The following ASPH variants were observed in gnomAD, a reference collection of about 807,000 sequenced individuals.
The protein encoded by ASPH is aspartate beta-hydroxylase.
Under a neutral mutation model 118.4 loss-of-function variants are expected in ASPH, and 100 were observed. The ratio of observed to expected loss-of-function variants is 0.84; its 90% CI spans 0.72 to 1.00. ASPH has a LOEUF of 1.00. ASPH is among the 50% of genes least tolerant of loss of function. The pLI is 0.00. For missense variants in ASPH, 920 were observed against 919.5 expected, an observed-to-expected ratio of 1.00 and a Z score of -0.01; for synonymous variants, 315 against 325.6, an observed-to-expected ratio of 0.97 and a Z score of 0.35.
intron 17 of ASPH, among the ~76,000 whole-genome samples, chr8:61,563,432 C>T (rs1830633259): frequency 6.6e-6 from 1 of 152,092 alleles, no homozygotes. Flanking sequence ...TATTATGGGG[C>T]CCTCTCGTGG....
intron 1 of ASPH, among the ~76,000 whole-genome samples, chr8:61,693,055 T>C (rs958210148): frequency 3.9e-5 from 6 of 152,106 alleles, no homozygotes; most frequent in South Asian, 2.1e-4. Flanking sequence ...CTGTGCCTCA[T>C]TGCTGTCATC....
chr8:61,585,773 G>A (rs1479957270), intron 14 of ASPH, among the ~76,000 whole-genome samples: 1 of 152,150 alleles, frequency 6.6e-6, no homozygotes, highest in East Asian at 1.9e-4. Flanking sequence ...AAGTCTGCCA[G>A]AGGAGGGAAG....
At chr8:61,509,152 A>C (rs571589667) in intron 24 of ASPH, among the ~76,000 whole-genome samples, 32 of 152,288 alleles carry the variant, frequency 2.1e-4, no homozygotes, top group Non-Finnish European at 2.2e-4. Context: ...GGAAAGAAAA[A>C]GTCATAGTGT....
intron 13 of ASPH, 151 bp from the exon 14 acceptor site, chr8:61,619,170 T>C (rs951457640): frequency 3.6e-6 from 2 of 560,780 alleles, no homozygotes; most frequent in African/African-American, 1.9e-5. Flanking sequence ...CCTGAATTCA[T>C]TACACATGAA....
intron 20 of ASPH, among the ~76,000 whole-genome samples, chr8:61,551,505 T>C (rs1475149944): frequency 1.3e-5 from 2 of 152,216 alleles, no homozygotes; most frequent in Admixed American, 6.5e-5. Context: ...AGAACTGTGC[T>C]GTTCTTTGCA....
At chr8:61,662,667 A>G (rs1215355685) in intron 3 of ASPH, among the ~76,000 whole-genome samples, 1 of 152,212 alleles carries the variant, frequency 6.6e-6, no homozygotes, top group Non-Finnish European at 1.5e-5. Context: ...ATTTACAAAA[A>G]GAAAGAAAAG....
intron 13 of ASPH, among the ~76,000 whole-genome samples, chr8:61,629,417 T>A (rs1301260487): frequency 2.0e-5 from 3 of 152,198 alleles, no homozygotes; most frequent in Non-Finnish European, 2.9e-5. Context: ...TTGCTACAAA[T>A]ATGCTGTATG....
chr8:61,681,093 G>C, intron 2 of ASPH, 57 bp from the exon 3 acceptor site: 2 of 1,417,116 alleles, frequency 1.4e-6, no homozygotes, highest in South Asian at 1.3e-5. Flanking sequence ...AATTTAATAA[G>C]GTATTATAAC....
chr8:61,625,245 C>T, intron 13 of ASPH: 1 of 985,740 alleles, frequency 1.0e-6, no homozygotes, highest in Non-Finnish European at 1.2e-6. Context: ...AGAAAATCTT[C>T]AGTGTAGAAA....
chr8:61,515,471 G>A (rs567586250), intron 24 of ASPH, among the ~76,000 whole-genome samples: 72 of 151,998 alleles, frequency 4.7e-4, no homozygotes, highest in African/African-American at 1.5e-3. Flanking sequence ...TCCTCCTTCC[G>A]TCTTCTAAAT....
chr8:61,531,798 T>C (rs992568747), intron 21 of ASPH, among the ~76,000 whole-genome samples: 18 of 152,218 alleles, frequency 1.2e-4, no homozygotes, highest in Admixed American at 1.0e-3. Context: ...AGTGTTTGTC[T>C]TTCTATATCT....
intron 14 of ASPH, among the ~76,000 whole-genome samples, chr8:61,588,441 C>T (rs1840103626): frequency 6.6e-6 from 1 of 152,208 alleles, no homozygotes; most frequent in South Asian, 2.1e-4. Context: ...TGTTTTTATA[C>T]TACAGTCCAT....
intron 14 of ASPH, among the ~76,000 whole-genome samples, chr8:61,603,535 C>T (rs1844723567): frequency 6.6e-6 from 1 of 152,184 alleles, no homozygotes. Context: ...TGGAATATGA[C>T]AATCTGCTCT....
intron 5 of ASPH, among the ~76,000 whole-genome samples, chr8:61,649,299 G>A (rs766480268): frequency 2.0e-5 from 3 of 152,190 alleles, no homozygotes; most frequent in Non-Finnish European, 4.4e-5. Flanking sequence ...CAAGTAAGAG[G>A]GTAGGAGGAC....
At chr8:61,697,239 C>A (rs746186227) in intron 1 of ASPH, among the ~76,000 whole-genome samples, 1 of 152,190 alleles carries the variant, frequency 6.6e-6, no homozygotes, top group East Asian at 1.9e-4. Flanking sequence ...AATTATAATA[C>A]ATCTTGGGGA....
intron 24 of ASPH, among the ~76,000 whole-genome samples, chr8:61,512,747 C>T (rs6987566): frequency 0.38 from 57,344 of 152,014 alleles, 12,563 homozygotes; most frequent in African/African-American, 0.6. Context: ...AATCAGTTAA[C>T]GTATGTAGAG....
intron 13 of ASPH, chr8:61,624,857 T>C: frequency 4.1e-6 from 4 of 985,632 alleles, no homozygotes; most frequent in Non-Finnish European, 4.8e-6. Flanking sequence ...ATAATTTGAG[T>C]ATCATCTCTG....
intron 14 of ASPH, among the ~76,000 whole-genome samples, chr8:61,587,709 T>C (rs1328171614): frequency 1.3e-5 from 2 of 152,240 alleles, no homozygotes; most frequent in Non-Finnish European, 2.9e-5. Flanking sequence ...TTCTATCTTT[T>C]CATATATCTT....
At chr8:61,643,076 A>G (rs2150973700) in intron 9 of ASPH, among the ~76,000 whole-genome samples, 156 bp from the exon 10 acceptor site, 1 of 152,314 alleles carries the variant, frequency 6.6e-6, no homozygotes, top group South Asian at 2.1e-4. Context: ...CCTCTGCCCA[A>G]AAGCAATTAA....
Sources: allele counts gnomAD v4.1 joint callset (sites outside exome capture counted in the v4.1 genomes callset), GRCh38; gene constraint gnomAD v4.1.1; transcripts MANE v1.5; gene names NCBI Gene and HGNC (gene_info 2026-07-23, HGNC 2026-07-21).